DIXDC1: variants seen among roughly 807,000 people sequenced by gnomAD.
The protein encoded by DIXDC1 is DIX domain containing 1, also known as dixin.
A neutral mutation model predicts 103.1 loss-of-function variants in DIXDC1; 64 were observed. The ratio of observed to expected loss-of-function variants is 0.62; its 90% CI spans 0.51 to 0.76. The LOEUF (loss-of-function observed/expected upper bound fraction) is 0.76. Among genes scored for constraint, DIXDC1 ranks in the 30% least tolerant of loss-of-function variants. DIXDC1 has a pLI of 0.00. For missense variants in DIXDC1, 759 were observed against 834.2 expected, an observed-to-expected ratio of 0.91 and a Z score of 1.11; for synonymous variants, 266 against 298.5, an observed-to-expected ratio of 0.89 and a Z score of 1.12.
chr11:111,971,600 T>C (rs1859930826), intron 3 of DIXDC1, among the ~76,000 whole-genome samples: 1 of 152,084 alleles, frequency 6.6e-6, no homozygotes, highest in East Asian at 1.9e-4. Context: ...CAAAGGAAAA[T>C]AAATCATTCT....
chr11:112,015,134 C>T (rs868908834), intron 17 of DIXDC1, among the ~76,000 whole-genome samples: 19 of 152,314 alleles, frequency 1.2e-4, no homozygotes, highest in South Asian at 8.3e-4. Flanking sequence ...ATCCGCCCAC[C>T]TCGGCCTCCC....
chr11:111,948,247 AACTCT>A (rs1186715496), intron 1 of DIXDC1, among the ~76,000 whole-genome samples: 2 of 152,156 alleles, frequency 1.3e-5, no homozygotes, highest in Non-Finnish European at 2.9e-5. Flanking sequence ...TGAACTCTGA[AACTCT>A]ACTCTGCTCA....
At chr11:111,960,719 C>A (rs1395046435) in intron 1 of DIXDC1, among the ~76,000 whole-genome samples, 11 of 152,088 alleles carry the variant, frequency 7.2e-5, no homozygotes, top group Admixed American at 6.5e-4. Context: ...TACTGATATA[C>A]CTTGGTCCCA....
chr11:111,972,994 G>A (rs1383759056), intron 3 of DIXDC1, among the ~76,000 whole-genome samples: 2 of 151,384 alleles, frequency 1.3e-5, no homozygotes, highest in Non-Finnish European at 2.9e-5. Context: ...AGGAGGCAGA[G>A]GTTGCAGTGA....
chr11:111,978,766 T>C (rs979144951), intron 5 of DIXDC1, among the ~76,000 whole-genome samples: 7 of 152,230 alleles, frequency 4.6e-5, no homozygotes, highest in Non-Finnish European at 1.0e-4. Context: ...CCATAGCACC[T>C]TGTCAGATGA....
At chr11:111,970,298 A>T (rs1303138217) in intron 3 of DIXDC1, among the ~76,000 whole-genome samples, 1 of 151,970 alleles carries the variant, frequency 6.6e-6, no homozygotes, top group African/African-American at 2.4e-5. Context: ...CAAGTGATCC[A>T]CCTGCCTCAG....
At chr11:111,936,845 A>AGT (rs57332873), upstream of DIXDC1, among the ~76,000 whole-genome samples, 25,114 of 140,662 alleles carry the variant, frequency 0.18, 2,115 homozygotes, top group South Asian at 0.19. Flanking sequence ...TTAAGTTAGC[A>AGT]GTGTGTGTGT....
At chr11:111,967,983 G>A (rs1174052351) in intron 2 of DIXDC1, among the ~76,000 whole-genome samples, 2 of 152,224 alleles carry the variant, frequency 1.3e-5, no homozygotes, top group Non-Finnish European at 2.9e-5. Flanking sequence ...TGGTTCCTCA[G>A]TCTGGAATGC....
intron 1 of DIXDC1, chr11:111,929,680 G>A: frequency 1.9e-6 from 1 of 532,922 alleles, no homozygotes; most frequent in Admixed American, 3.5e-5. Context: ...GCTAACTAGG[G>A]TCCTATTTCT....
chr11:111,942,308 C>T (rs1966447465), intron 1 of DIXDC1, among the ~76,000 whole-genome samples: 2 of 152,174 alleles, frequency 1.3e-5, no homozygotes, highest in African/African-American at 4.8e-5. Context: ...AGGTGCCACT[C>T]CCCGAGGCGG....
chr11:111,980,527 G>A (rs501932), intron 5 of DIXDC1, among the ~76,000 whole-genome samples: 150,780 of 152,332 alleles, frequency 0.99, 74,635 homozygotes, highest in Middle Eastern at 1. Flanking sequence ...TTGTAGGACT[G>A]GGTCATTCCT....
intron 17 of DIXDC1, among the ~76,000 whole-genome samples, chr11:112,005,496 G>C (rs1489313903): frequency 6.6e-6 from 1 of 152,118 alleles, no homozygotes; most frequent in Non-Finnish European, 1.5e-5. Context: ...AGAAGTTTGA[G>C]ACAAGCCTGG....
rs1391802731 is a variant in DIXDC1 at position 111,992,463 on chromosome 11, C to T, written c.1162C>T (p.Leu388Phe). The T allele has an allele frequency of 1.1e-5, 17 of 1,583,462 alleles. No individual in the cohort carries two copies. The East Asian group carries it at 3.9e-4, about 36-fold the overall frequency. The change falls in exon 11 of 20, where the codon CTC becomes TTC. Residue 388 changes from leucine (L) to phenylalanine (F), a missense_variant. By Grantham distance (22) the Leu-to-Phe change is conservative (BLOSUM62 0). Transcript: ENST00000440460. ...LTQQDTSVLQLKQELLRANMD... is the reference protein window; with the variant it reads ...LTQQDTSVLQFKQELLRANMD... Reference sequence around the variant, plus strand: ...TCAGCAGGACACATCTGTTCTTCAGCTCAAACAAGAGCTACTGAGGGCAAA... The same window carrying T: ...TCAGCAGGACACATCTGTTCTTCAGTTCAAACAAGAGCTACTGAGGGCAAA...
chr11:111,987,622 G>A (rs1228376643), intron 9 of DIXDC1, among the ~76,000 whole-genome samples: 3 of 150,602 alleles, frequency 2.0e-5, no homozygotes, highest in African/African-American at 7.3e-5. Flanking sequence ...CTCCCTAGAA[G>A]TATGCATGTA....
At position 112,014,421 on chromosome 11, in the gene DIXDC1, A is replaced by T. The variant is rs1592634798; in HGVS notation, c.1757-2270A>T. On this transcript the variant is annotated intron_variant, in intron 17 of 19. Coordinates refer to ENST00000440460, the MANE Select transcript of DIXDC1 (RefSeq NM_001037954.4). ...CTAATTCACCTACAGTTTTGTAAAT[A>T]TATGATCCCATTTCATGCTTCTGCA... 4.6e-5 allele frequency among the ~76,000 whole-genome samples: 7 copies of T among 152,302 alleles called. No individual in the cohort carries two copies. The South Asian group carries it at 1.2e-3, about 27-fold the overall frequency.
chr11:111,927,581 G>A (rs2030169083), intron 1 of DIXDC1, among the ~76,000 whole-genome samples: 1 of 151,984 alleles, frequency 6.6e-6, no homozygotes. Context: ...TTAGAGAGGA[G>A]GGGTAACGCA....
At chr11:111,970,695 TG>T (rs1555171989) in intron 3 of DIXDC1, among the ~76,000 whole-genome samples, 2 of 149,390 alleles carry the variant, frequency 1.3e-5, no homozygotes, top group Admixed American at 1.3e-4. Flanking sequence ...GCTACAAAGC[TG>T]GGGTGTCACA....
chr11:111,937,606 C>T, intron 1 of DIXDC1, 47 bp downstream of exon 1: 1 of 1,546,036 alleles, frequency 6.5e-7, no homozygotes, highest in Non-Finnish European at 8.8e-7. Context: ...CCCCCAGCGT[C>T]TCCCGCCCAG....
At chr11:111,972,731 A>T (rs1254551598) in intron 3 of DIXDC1, among the ~76,000 whole-genome samples, 1 of 152,190 alleles carries the variant, frequency 6.6e-6, no homozygotes. Flanking sequence ...TGCAACTCAC[A>T]TAGGTAACTT....
Sources: allele counts gnomAD v4.1 joint callset (sites outside exome capture counted in the v4.1 genomes callset), GRCh38; gene constraint gnomAD v4.1.1; transcripts MANE v1.5; gene names NCBI Gene and HGNC (gene_info 2026-07-23, HGNC 2026-07-21).